The following KIF13A variants were observed in gnomAD, a reference collection of about 807,000 sequenced individuals.
KIF13A encodes the protein kinesin family member 13A.
In KIF13A, 79 loss-of-function variants were observed where a neutral mutation model predicts 212.2. The ratio of observed to expected loss-of-function variants is 0.37; its 90% confidence interval spans 0.31 to 0.45. The LOEUF is 0.45. Ranked by LOEUF, KIF13A falls within the 20% of genes least tolerant of loss-of-function variation. The pLI, the probability that KIF13A is intolerant of heterozygous loss-of-function variation, is 1.00. For synonymous variants in KIF13A, 789 were observed against 808.6 expected (o/e 0.98, Z 0.41); for missense variants, 1,901 against 2,209.0 (o/e 0.86, Z 2.79).
At chr6:17,887,850 T>C (rs1265184770) in intron 3 of KIF13A, among the ~76,000 whole-genome samples, 2 of 150,108 alleles carry the variant, frequency 1.3e-5, no homozygotes, top group Non-Finnish European at 1.5e-5. Flanking sequence ...CCCACCACCA[T>C]GTCCAGCTAA....
chr6:17,952,652 C>T (rs565313327), intron 2 of KIF13A, among the ~76,000 whole-genome samples: 6 of 152,024 alleles, frequency 3.9e-5, no homozygotes, highest in South Asian at 2.1e-4. Flanking sequence ...AAAGAAAAGC[C>T]GGGCGTGGTG....
At chr6:17,806,193 A>G (rs184078309) in intron 18 of KIF13A, among the ~76,000 whole-genome samples, 29 of 152,240 alleles carry the variant, frequency 1.9e-4, no homozygotes, top group African/African-American at 5.5e-4. Flanking sequence ...TTGGCCTGCC[A>G]AAGTGCTAGG....
In KIF13A at chr6:17,837,746, G is replaced by T. The variant is rs978253968; in HGVS notation, c.831-163C>A. On this transcript the variant is annotated intron_variant, in intron 9 of 38. Coordinates refer to ENST00000259711, the MANE Select transcript of KIF13A (RefSeq NM_022113.6). The surrounding 1 kb of genome is among the most constrained non-coding windows in gnomAD (Gnocchi z 5.4). ...GTGGATGAATCACTTGAGGCCAGGGGTTTGAGACCACCCTGGCCAACATGG... is the reference window on the plus strand; with the variant it reads ...GTGGATGAATCACTTGAGGCCAGGGTTTTGAGACCACCCTGGCCAACATGG... Among the ~76,000 whole-genome samples the T allele has an allele frequency of 6.6e-6, 1 of 151,918 alleles. No homozygotes were observed. The highest frequency in any genetic ancestry group is 1.5e-5 in the Non-Finnish European group (1 of 67,984).
chr6:17,872,933 G>A lies in KIF13A; in HGVS notation c.220+444C>T, dbSNP rs868062359. Among the ~76,000 whole-genome samples, 2 of 152,106 alleles carry A rather than the reference G, an allele frequency of 1.3e-5. No homozygotes were observed. The highest frequency in any genetic ancestry group is 2.9e-5 in the Non-Finnish European group (2 of 68,010). ...TTACAGATGTGAGCCACCATGCCCG[G>A]ACGAAAAATAAATTTTTAAAAAGAT... On this transcript the variant is annotated intron_variant, in intron 4 of 38. Transcript: ENST00000259711. This position sits in a 1 kb window ranked among gnomAD's most constrained non-coding sequence, Gnocchi z 4.7.
At chr6:17,795,581 A>G (rs1464645467) in intron 23 of KIF13A, among the ~76,000 whole-genome samples, 1 of 146,428 alleles carries the variant, frequency 6.8e-6, no homozygotes, top group Non-Finnish European at 1.5e-5. Flanking sequence ...TGGGAGACAG[A>G]GCAAGACTCC....
In KIF13A at chr6:17,828,178, A is replaced by G; in HGVS notation, c.1532+62T>C. 1 of 1,517,784 alleles carries G rather than the reference A, an allele frequency of 6.6e-7. No individual in the cohort carries two copies. The highest frequency in any genetic ancestry group is 1.2e-5 in the South Asian group (1 of 80,532). 94.0% of individuals were successfully genotyped at this position (1,517,784 alleles called of 1,614,324 possible). A position where few individuals can be genotyped will look rare whatever the true frequency, so the allele number is the denominator to read the frequency against. On this transcript the variant is annotated intron_variant, in intron 14 of 38. Coordinates refer to ENST00000259711, the MANE Select transcript of KIF13A (RefSeq NM_022113.6). This position sits in a 1 kb window ranked among gnomAD's most constrained non-coding sequence, Gnocchi z 4.3. ...TAGCTGAAAGCAAACAGAAAGAGGC[A>G]GCCTTCTCCTTCTGAAAATAAGGCA...
chr6:17,878,788 A>G (rs1401777481), intron 3 of KIF13A, among the ~76,000 whole-genome samples: 4 of 152,194 alleles, frequency 2.6e-5, no homozygotes, highest in Admixed American at 2.6e-4. Context: ...AGGGCACGAG[A>G]CCATTTTCAT....
rs200302587 is a variant in KIF13A at position 17,855,055 on chromosome 6, G to A, written c.494+382C>T. On this transcript the variant is annotated intron_variant, in intron 6 of 38. Transcript: ENST00000259711. This position sits in a 1 kb window ranked among gnomAD's most constrained non-coding sequence, Gnocchi z 4.1. ...TGATTCCAATGCACAGCCAGGGAAGGGCATTGCTTGCCTTGGCTGGGATGT... is the reference window on the plus strand; with the variant it reads ...TGATTCCAATGCACAGCCAGGGAAGAGCATTGCTTGCCTTGGCTGGGATGT... Among the ~76,000 whole-genome samples, 1 of 152,140 alleles carries A rather than the reference G, an allele frequency of 6.6e-6. No individual in the cohort carries two copies. The highest frequency in any genetic ancestry group is 6.5e-5 in the Admixed American group (1 of 15,276).
rs764940401 is a variant in KIF13A at position 17,804,450 on chromosome 6, G to C, written c.2365C>G (p.Leu789Val). The change falls in exon 20 of 39, where the codon CTC (leucine) becomes GTC (valine). Residue 789 changes from leucine to valine, a missense_variant. This residue lies in a region of KIF13A where 534 missense variants were observed against 536.9 expected (regional missense o/e 0.99). Transcript: ENST00000259711. The part of the protein sequence containing the change: ...PFYEAQENHN[L>V]IGVANVFLEC... ...AAGAATACATTCGCCACCCCGATGA[G>C]GTTGTGATTTTCTTGGGCTTCATAG... The C allele has an allele frequency of 1.3e-6, 2 of 1,586,944 alleles. No individual in the cohort carries two copies. The highest frequency in any genetic ancestry group is 4.6e-5 in the East Asian group (2 of 43,712).
At chr6:17,877,197 T>C (rs1301335697) in intron 3 of KIF13A, among the ~76,000 whole-genome samples, 2 of 149,290 alleles carry the variant, frequency 1.3e-5, no homozygotes, top group Non-Finnish European at 3.0e-5. Context: ...TTCAGCACTA[T>C]ATATACTTTA....
intron 9 of KIF13A, among the ~76,000 whole-genome samples, chr6:17,844,051 A>G (rs1205845678): frequency 6.6e-6 from 1 of 152,016 alleles, no homozygotes; most frequent in Admixed American, 6.6e-5. Flanking sequence ...TCTCAAAAAA[A>G]AAAAAAAAGA....
intron 3 of KIF13A, among the ~76,000 whole-genome samples, chr6:17,876,351 C>T (rs1562085923): frequency 6.6e-6 from 1 of 152,170 alleles, no homozygotes; most frequent in Non-Finnish European, 1.5e-5. Context: ...ATTCCTCATG[C>T]TCCAGTGGAA....
chr6:17,821,876 A>T, intron 16 of KIF13A: 1 of 1,535,376 alleles, frequency 6.5e-7, no homozygotes, highest in Non-Finnish European at 8.7e-7. Context: ...GATGACCACC[A>T]GGCAGACAGG....
At chr6:17,977,163 T>TA (rs924784135) in intron 2 of KIF13A, among the ~76,000 whole-genome samples, 4 of 147,582 alleles carry the variant, frequency 2.7e-5, no homozygotes, top group African/African-American at 9.9e-5. Flanking sequence ...GGCTCCACCC[T>TA]AGACCTACCA....
rs560791214 is a variant in KIF13A at position 17,786,879 on chromosome 6, G to A, written c.3361+897C>T. 1.1e-4 allele frequency among the ~76,000 whole-genome samples: 16 copies of A among 152,300 alleles called. No individual in the cohort carries two copies. The South Asian group carries it at 1.9e-3, about 18-fold the overall frequency. ...TGAAATGGATTAACATGCATGATGTGTATGTTCTTTGCTGCAGAACCAACC... is the reference window on the plus strand; with the variant it reads ...TGAAATGGATTAACATGCATGATGTATATGTTCTTTGCTGCAGAACCAACC... On this transcript the variant is annotated intron_variant, in intron 27 of 38. Transcript: ENST00000259711. This position sits in a 1 kb window ranked among gnomAD's most constrained non-coding sequence, Gnocchi z 5.4.
rs2150657873 is a variant in KIF13A, at chr6:17,986,949, C to T, written c.146+105G>A. 1.3e-5 allele frequency: 10 copies of T among 767,008 alleles called. No individual in the cohort carries two copies. In the South Asian group the frequency reaches 1.6e-4, roughly 12 times the overall value. 47.5% of individuals were successfully genotyped at this position (767,008 alleles called of 1,614,324 possible). ...ACAGGAGCCGGCGACAAACTTGAAG[C>T]CGTCCTCCTAACAATAGGAAAGAGC... On this transcript the variant is annotated intron_variant, in intron 2 of 38. Coordinates refer to ENST00000259711, the MANE Select transcript of KIF13A (RefSeq NM_022113.6).
Position 17,834,101 on chromosome 6 carries a change from T to C in KIF13A, c.1156-30A>G, listed in dbSNP as rs761384060. ...AAAATGAAATCAGAGATATCTGATG[T>C]TCAAAATTTTTCCACCATCATATAC... On this transcript the variant is annotated intron_variant, in intron 11 of 38. Coordinates refer to ENST00000259711, the MANE Select transcript of KIF13A (RefSeq NM_022113.6). This position sits in a 1 kb window ranked among gnomAD's most constrained non-coding sequence, Gnocchi z 4.0. 1 of 1,396,570 alleles carries C rather than the reference T, an allele frequency of 7.2e-7. No homozygotes were observed. 86.5% of individuals were successfully genotyped at this position (1,396,570 alleles called of 1,614,324 possible).
chr6:17,899,854 AAGGAAGTC>A lies in KIF13A; in HGVS notation c.147-1682_147-1675del, dbSNP rs1336460120. The stretch of plus-strand genomic sequence containing the variant: ...AAAATGCACAAGTGTTTTTAATTCT[AAGGAAGTC>A]ATGGATTTCCATTCTGTACAAAAAA... On this transcript the variant is annotated intron_variant, in intron 2 of 38. Coordinates refer to ENST00000259711, the MANE Select transcript of KIF13A (RefSeq NM_022113.6). This position sits in a 1 kb window ranked among gnomAD's most constrained non-coding sequence, Gnocchi z 5.2. Among the ~76,000 whole-genome samples, 3 of 152,236 alleles carry A rather than the reference AAGGAAGTC, an allele frequency of 2.0e-5. No individual in the cohort carries two copies. Among genetic ancestry groups the A allele is most frequent in the Non-Finnish European group, 4.4e-5 (3 of 68,038 alleles).
chr6:17,814,249 CTTTTTT>C (rs34056148), intron 17 of KIF13A, among the ~76,000 whole-genome samples: 2 of 89,566 alleles, frequency 2.2e-5, no homozygotes, highest in Admixed American at 1.4e-4. Flanking sequence ...CAGTGCCCGG[CTTTTTT>C]TTTTTTTTTT....
Sources: gnomAD v4.1 joint callset for allele counts (sites outside exome capture counted in the v4.1 genomes callset) on GRCh38, gnomAD v4.1.1 for gene constraint, gnomAD v4.1.1 regional missense constraint, Gnocchi (gnomAD v3.1) non-coding constraint, MANE v1.5 for transcripts, NCBI Gene and HGNC (gene_info 2026-07-23, HGNC 2026-07-21) for gene names.